The following TTN variants were observed in gnomAD, a reference collection of about 807,000 sequenced individuals.
TTN encodes the protein connectin.
TTN carries 1,525 observed loss-of-function variants against 3,223.0 expected under a neutral mutation model. The observed-to-expected ratio is 0.47, with a 90% confidence interval of 0.45 to 0.49. The LOEUF is 0.49. Among genes scored for constraint, TTN ranks in the 20% least tolerant of loss-of-function variants. The pLI is 0.00. For missense variants in TTN, 40,786 were observed against 43,424.0 expected (o/e 0.94, Z 5.40); for synonymous variants, 14,094 against 15,161.0 (o/e 0.93, Z 5.17).
Position 178,677,227 on chromosome 2 carries a change from T to C in TTN, c.34352A>G (p.Lys11451Arg). 1 of 1,224,070 alleles carries C rather than the reference T, an allele frequency of 8.2e-7. No homozygotes were observed. 75.8% of individuals were successfully genotyped at this position (1,224,070 alleles called of 1,614,324 possible). Residue 11451 changes from lysine (K) to arginine (R), a missense_variant, in exon 147 of 363, where the codon AAA (lysine) becomes AGA (arginine). Transcript: ENST00000589042. ...TTTGGGTGGTGGTGGAGGTTCCACT[T>C]TTTTAGGGGCGGGAACAGGGACTTT... ...EKKVPVPAPK[K>R]VEPPPPPKVP...
At position 178,634,622 on chromosome 2, in the gene TTN, T is replaced by C; in HGVS notation, c.42159A>G (p.Glu14053=). The C allele has an allele frequency of 6.2e-7, 1 of 1,613,026 alleles. No homozygotes were observed. The highest frequency in any genetic ancestry group is 8.5e-7 in the Non-Finnish European group (1 of 1,179,430). ...CCTTCAGGGGCACAGCAAAGTCAAGTTCGATTTCTGAAAATCAGACATTAA... is the reference window on the plus strand; with the variant it reads ...CCTTCAGGGGCACAGCAAAGTCAAGCTCGATTTCTGAAAATCAGACATTAA... ...TTAILTVKEI[E]LDFAVPLKDV... Residue 14053 remains glutamate (E), a synonymous_variant, in exon 230 of 363, where the codon GAA becomes GAG. Coordinates refer to ENST00000589042, the MANE Select transcript of TTN (RefSeq NM_001267550.2). This position sits in a 1 kb window ranked among gnomAD's most constrained non-coding sequence, Gnocchi z 4.6.
In TTN at chr2:178,533,939, C is replaced by G; in HGVS notation, c.102676G>C (p.Val34226Leu). Reference sequence around the variant, plus strand: ...TCATAGACTTCTCTCACACCTTTAACAAATAGCTCTGCATAAGAACTGTCT... The same window carrying G: ...TCATAGACTTCTCTCACACCTTTAAGAAATAGCTCTGCATAAGAACTGTCT... ...GEDSSYAELF[V>L]KGVREVYDYY... Residue 34226 changes from valine (V) to leucine (L), a missense_variant, in exon 358 of 363, where the codon GTT (valine) becomes CTT (leucine). Coordinates refer to ENST00000589042, the MANE Select transcript of TTN (RefSeq NM_001267550.2). The G allele has an allele frequency of 1.2e-6, 2 of 1,613,898 alleles. No homozygotes were observed. Among genetic ancestry groups the G allele is most frequent in the Non-Finnish European group, 1.7e-6 (2 of 1,179,858 alleles).
Position 178,605,598 on chromosome 2 carries a change from A to G in TTN, c.53697T>C (p.Ile17899=). 1.2e-6 allele frequency: 2 copies of G among 1,612,346 alleles called. No homozygotes were observed. Among genetic ancestry groups the G allele is most frequent in the East Asian group, 4.5e-5 (2 of 44,730 alleles). Residue 17899 remains isoleucine, a synonymous_variant, in exon 279 of 363, where the codon ATT becomes ATC. Transcript: ENST00000589042. ...NGGSPIQGYI[I]EKRRHDKPDF... is the part of the protein sequence containing the mutation. ...CAGGTTTGTCATGACGCCGTTTTTCAATGATATATCCTTGGATGGGACTGC... is the reference window on the plus strand; with the variant it reads ...CAGGTTTGTCATGACGCCGTTTTTCGATGATATATCCTTGGATGGGACTGC...
In TTN at chr2:178,588,210, C is replaced by T; in HGVS notation, c.63197G>A (p.Gly21066Asp). 1 of 1,567,354 alleles carries T rather than the reference C, an allele frequency of 6.4e-7. No individual in the cohort carries two copies. The highest frequency in any genetic ancestry group is 1.2e-5 in the South Asian group (1 of 83,772). ...VVAKDPIEPP[G>D]PPTNFRVVDT... The stretch of plus-strand genomic sequence containing the variant: ...AACCACTCTGAAATTGGTTGGTGGA[C>T]CAGGTGGCTCTGAAAGTAAAATATA... Residue 21066 changes from glycine (G) to aspartate (D), a missense_variant, in exon 305 of 363, where the codon GGT becomes GAT. Transcript: ENST00000589042.
rs751896572 is a variant in TTN, at chr2:178,566,988, T to C, written c.79144A>G (p.Asn26382Asp). 2.5e-6 allele frequency: 4 copies of C among 1,613,610 alleles called. No individual in the cohort carries two copies. Among genetic ancestry groups the C allele is most frequent in the Non-Finnish European group, 3.4e-6 (4 of 1,179,648 alleles). ...PLESAPVLMK[N>D]PFVLPGPPKS... The stretch of plus-strand genomic sequence containing the variant: ...GGTGGTCCAGGAAGCACAAATGGAT[T>C]TTTCATTAGTACTGGTGCAGATTCC... Residue 26382 changes from asparagine (N) to aspartate (D), a missense_variant, in exon 326 of 363, where the codon AAT becomes GAT. Transcript: ENST00000589042.
In TTN at chr2:178,578,994, T is replaced by C; in HGVS notation, c.68036A>G (p.Tyr22679Cys). The stretch of plus-strand genomic sequence containing the variant: ...CACAGAATCCCTCTTCTCTAGGATA[T>C]AGTTGGTGATTTCAGAACCTCCATC... ...KDDGGSEITNYILEKRDSVNN... is the reference protein window; with the variant it reads ...KDDGGSEITNCILEKRDSVNN... Residue 22679 changes from tyrosine to cysteine, a missense_variant, in exon 320 of 363, where the codon TAT becomes TGT. Physicochemically the swap from Tyr to Cys is radical, Grantham distance 194. Transcript: ENST00000589042. 1 of 1,613,236 alleles carries C rather than the reference T, an allele frequency of 6.2e-7. No individual in the cohort carries two copies. The highest frequency in any genetic ancestry group is 8.5e-7 in the Non-Finnish European group (1 of 1,179,500).
At chr2:178,625,248 T>C (rs1230931417) in intron 241 of TTN, 25 bp downstream of exon 241, 1 of 1,601,740 alleles carries the variant, frequency 6.2e-7, no homozygotes, top group Non-Finnish European at 8.5e-7. Flanking sequence ...CTTATACATG[T>C]TTTTAAAATA....
rs797046065 is a variant in TTN at position 178,776,467 on chromosome 2, A to C, written c.5397T>G (p.Ser1799Arg). The change falls in exon 28 of 363, where the codon AGT becomes AGG. Residue 1799 changes from serine to arginine, a missense_variant. Ser to Arg is a moderately radical substitution (Grantham distance 110). Transcript: ENST00000589042. ...SATLIVKDEK[S>R]LVEESQLPEG... Reference sequence around the variant, plus strand: ...CAGGCAATTGGGATTCTTCCACAAGACTTTTCTCATCTTTAACAATAAGGG... The same window carrying C: ...CAGGCAATTGGGATTCTTCCACAAGCCTTTTCTCATCTTTAACAATAAGGG... 2 of 1,608,050 alleles carry C rather than the reference A, an allele frequency of 1.2e-6. No homozygotes were observed. The highest frequency in any genetic ancestry group is 3.3e-5 in the Admixed American group (2 of 59,982).
In TTN at chr2:178,578,730, A is replaced by G; in HGVS notation, c.68225-15T>C. 6.2e-7 allele frequency: 1 copy of G among 1,604,922 alleles called. No homozygotes were observed. The highest frequency in any genetic ancestry group is 8.5e-7 in the Non-Finnish European group (1 of 1,177,416). Reference sequence around the variant, plus strand: ...ATCAGGCACATCTAGAAAAAAGTAGATAATGCAAGATTTATAATAAGAAGC... The same window carrying G: ...ATCAGGCACATCTAGAAAAAAGTAGGTAATGCAAGATTTATAATAAGAAGC... On this transcript the variant is annotated splice_polypyrimidine_tract_variant and intron_variant, in intron 320 of 362. Coordinates refer to ENST00000589042, the MANE Select transcript of TTN (RefSeq NM_001267550.2).
Position 178,531,362 on chromosome 2 carries a change from G to C in TTN, c.105253C>G (p.Gln35085Glu), listed in dbSNP as rs1474356667. The change falls in exon 358 of 363, where the codon CAG becomes GAG. Residue 35085 changes from glutamine (Q) to glutamate (E), a missense_variant. Transcript: ENST00000589042. The part of the protein sequence containing the change: ...ASSSVREVKS[Q>E]MTETRESLSS... ...AGACTTTCCCTTGTCTCCGTCATCT[G>C]TGATTTCACTTCCCTGACAGAAGAC... is the stretch of plus-strand genomic sequence containing the variant. 2 of 1,613,886 alleles carry C rather than the reference G, an allele frequency of 1.2e-6. No individual in the cohort carries two copies. The highest frequency in any genetic ancestry group is 1.7e-6 in the Non-Finnish European group (2 of 1,179,898).
chr2:178,793,896 C>T (rs1413092102), intron 8 of TTN, among the ~76,000 whole-genome samples: 1 of 152,210 alleles, frequency 6.6e-6, no homozygotes, highest in Admixed American at 6.5e-5. Context: ...TAAACTGTAA[C>T]AGAAAATCTA....
intron 292 of TTN, 26 bp downstream of exon 292, chr2:178,598,480 A>G: frequency 6.2e-7 from 1 of 1,601,766 alleles, no homozygotes; most frequent in Non-Finnish European, 8.5e-7. Flanking sequence ...TTCATAGTGC[A>G]TTTCCTTAGT....
chr2:178,560,625 C>T lies in TTN; in HGVS notation c.85507G>A (p.Gly28503Arg), dbSNP rs779691555. The T allele has an allele frequency of 6.2e-7, 1 of 1,613,552 alleles. No individual in the cohort carries two copies. Reference sequence around the variant, plus strand: ...TTACAGGATGTCATCTGTAACTCTCCTTCACATATTGTCCATGCAAGGTGG... The same window carrying T: ...TTACAGGATGTCATCTGTAACTCTCTTTCACATATTGTCCATGCAAGGTGG... Reference protein sequence around the residue: ...TSHLAWTICEGELQMTSCKVT... With the variant: ...TSHLAWTICERELQMTSCKVT... The change falls in exon 326 of 363, where the codon GGA (glycine) becomes AGA (arginine). Residue 28503 changes from glycine to arginine, a missense_variant. By Grantham distance (125) the Gly-to-Arg change is moderately radical. Coordinates refer to ENST00000589042, the MANE Select transcript of TTN (RefSeq NM_001267550.2).
chr2:178,677,372 C>T (rs548988350), intron 146 of TTN, 85 bp from the exon 147 acceptor site: 6 of 474,220 alleles, frequency 1.3e-5, no homozygotes, highest in South Asian at 1.5e-4. Context: ...GAAAGAGACA[C>T]GTGAGGATAA....
rs370493976 is a variant in TTN, at chr2:178,560,209, G to A, written c.85923C>T (p.Pro28641=). The change falls in exon 326 of 363, where the codon CCC becomes CCT. Residue 28641 remains proline, a synonymous_variant. Transcript: ENST00000589042. The stretch of plus-strand genomic sequence containing the variant: ...ACACTGGATCTTCTGCCCTAATTAA[G>A]GGAGAGGTTTCACTTGGAAGACTTA... ...AGLSLPSETS[P]LIRAEDPVFL... 2 of 1,613,630 alleles carry A rather than the reference G, an allele frequency of 1.2e-6. No individual in the cohort carries two copies. Among genetic ancestry groups the A allele is most frequent in the African/African-American group, 1.3e-5 (1 of 74,882 alleles).
At chr2:178,673,799 T>C (rs746879091) in intron 151 of TTN, 89 bp from the exon 152 acceptor site, 341 of 932,618 alleles carry the variant, frequency 3.7e-4, no homozygotes, top group Non-Finnish European at 4.8e-4. Flanking sequence ...TCACAAAACA[T>C]TGACTTATTT....
At chr2:178,623,544 T>C (rs1052141354) in intron 242 of TTN, among the ~76,000 whole-genome samples, 1 of 151,918 alleles carries the variant, frequency 6.6e-6, no homozygotes, top group East Asian at 1.9e-4. Flanking sequence ...TTTGAAAATA[T>C]GCTCCTTGCA....
chr2:178,729,585 G>A lies in TTN; in HGVS notation c.18590-19C>T. The A allele has an allele frequency of 6.2e-7, 1 of 1,612,266 alleles. No individual in the cohort carries two copies. Among genetic ancestry groups the A allele is most frequent in the Non-Finnish European group, 8.5e-7 (1 of 1,179,092 alleles). ...GGGGGTTCTAAAGATTCAAAAGGAA[G>A]ACAGTAGCTTACTCAAGGGAAGACC... On this transcript the variant is annotated intron_variant, in intron 63 of 362. Coordinates refer to ENST00000589042, the MANE Select transcript of TTN (RefSeq NM_001267550.2).
chr2:178,560,414 C>T lies in TTN; in HGVS notation c.85718G>A (p.Arg28573Lys). The change falls in exon 326 of 363, where the codon AGA becomes AAA. Residue 28573 changes from arginine to lysine, a missense_variant. Physicochemically the swap from Arg to Lys is conservative, Grantham distance 26. Coordinates refer to ENST00000589042, the MANE Select transcript of TTN (RefSeq NM_001267550.2). ...TTCACTACCTCCATCACTCTCGGGT[C>T]TTGACCAGCAAAGTGTCATAGATTC... ...TKESMTLCWSRPESDGGSEIS... is the reference protein window; with the variant it reads ...TKESMTLCWSKPESDGGSEIS... The T allele has an allele frequency of 6.2e-7, 1 of 1,613,640 alleles. No individual in the cohort carries two copies.
Sources: gnomAD v4.1 joint callset for allele counts (sites outside exome capture counted in the v4.1 genomes callset) on GRCh38, gnomAD v4.1.1 for gene constraint, Gnocchi (gnomAD v3.1) non-coding constraint, MANE v1.5 for transcripts, NCBI Gene and HGNC (gene_info 2026-07-23, HGNC 2026-07-21) for gene names.